ZMYND11: variants seen among roughly 807,000 people sequenced by gnomAD.
ZMYND11 encodes zinc finger MYND domain-containing protein 11.
Under a neutral mutation model 84.9 loss-of-function variants are expected in ZMYND11, and 9 were observed. The ratio of observed to expected loss-of-function variants is 0.11; its 90% CI spans 0.06 to 0.18. The LOEUF is 0.18. Ranked by LOEUF, ZMYND11 falls within the 10% of genes least tolerant of loss-of-function variation. The pLI is 1.00. For synonymous variants in ZMYND11, 250 were observed against 244.1 expected (o/e 1.02, Z -0.23); for missense variants, 409 against 761.0 (o/e 0.54, Z 5.44).
chr10:209,717 T>A (rs1944832542), intron 2 of ZMYND11, among the ~76,000 whole-genome samples, 172 bp from the exon 3 acceptor site: 1 of 142,620 alleles, frequency 7.0e-6, no homozygotes, highest in African/African-American at 2.6e-5. Flanking sequence ...TATTGAAGAC[T>A]TTTCCTTTCT....
chr10:215,950 T>C (rs1589019200), intron 3 of ZMYND11, among the ~76,000 whole-genome samples: 1 of 152,210 alleles, frequency 6.6e-6, no homozygotes, highest in Admixed American at 6.5e-5. Flanking sequence ...AATGAAAATA[T>C]ATATTTTCTG....
At chr10:143,962 C>T (rs1223368071) in intron 1 of ZMYND11, among the ~76,000 whole-genome samples, 1 of 150,722 alleles carries the variant, frequency 6.6e-6, no homozygotes, top group East Asian at 2.0e-4. Flanking sequence ...GGAGATCATG[C>T]CACTGCACTA....
Position 253,127 on chromosome 10 carries a change from C to G in ZMYND11, c.*657C>G, listed in dbSNP as rs147376275. On this transcript the variant is annotated 3_prime_UTR_variant, in exon 15 of 15. Transcript: ENST00000381604. The stretch of plus-strand genomic sequence containing the variant: ...GCTTTGATCTTGTAGTTTAAAATTG[C>G]AGGGAACTGGGGTAATCTTTTACTG... 8.5e-5 allele frequency: 13 copies of G among 152,662 alleles called. No homozygotes were observed. Among genetic ancestry groups the G allele is most frequent in the African/African-American group, 2.9e-4 (12 of 41,546 alleles). 9.5% of individuals were successfully genotyped at this position (152,662 alleles called of 1,614,324 possible).
rs1467858939 is a variant in ZMYND11, at chr10:135,981, C to G, written c.-20+422C>G. On this transcript the variant is annotated intron_variant, in intron 1 of 14. Coordinates refer to ENST00000381604, the MANE Select transcript of ZMYND11 (RefSeq NM_001370100.5). This position sits in a 1 kb window ranked among gnomAD's most constrained non-coding sequence, Gnocchi z 5.6. ...GCGCAGTCCGGGCCGGCGGGGAACG[C>G]GGCTCCGGGCGTGTGGCGGGCGGAG... 3.3e-5 allele frequency among the ~76,000 whole-genome samples: 5 copies of G among 151,694 alleles called. No homozygotes were observed. Among genetic ancestry groups the G allele is most frequent in the African/African-American group, 1.2e-4 (5 of 41,364 alleles).
Position 244,000 on chromosome 10 carries a change from A to G in ZMYND11, c.950+1861A>G, listed in dbSNP as rs544142171. Among the ~76,000 whole-genome samples, 332 of 152,254 alleles carry G rather than the reference A, an allele frequency of 2.2e-3. 1 individual carries two copies. Among genetic ancestry groups the G allele is most frequent in the African/African-American group, 7.5e-3 (311 of 41,552 alleles). ...CGTCAAGCTTCTTAGGTCCTGGAAG[A>G]TTTTATGTAAATAGTTCTAGACAGA... On this transcript the variant is annotated intron_variant, in intron 10 of 14. Transcript: ENST00000381604.
At chr10:241,628 G>C (rs1370562243) in intron 9 of ZMYND11, among the ~76,000 whole-genome samples, 1 of 152,228 alleles carries the variant, frequency 6.6e-6, no homozygotes, top group African/African-American at 2.4e-5. Context: ...AGCATTCTTG[G>C]CCGGCAGCCT....
chr10:162,471 G>C (rs1389786439), intron 1 of ZMYND11, among the ~76,000 whole-genome samples: 2 of 151,606 alleles, frequency 1.3e-5, no homozygotes, highest in Admixed American at 6.6e-5. Flanking sequence ...CAATACTTGC[G>C]GAGCACAATA....
intron 1 of ZMYND11, among the ~76,000 whole-genome samples, chr10:158,027 A>C (rs1278785008): frequency 6.6e-6 from 1 of 152,208 alleles, no homozygotes; most frequent in Non-Finnish European, 1.5e-5. Flanking sequence ...ATGTTGCAGC[A>C]TGTGTCAGTA....
intron 9 of ZMYND11, among the ~76,000 whole-genome samples, chr10:241,510 C>T (rs1025948572): frequency 6.6e-6 from 1 of 151,908 alleles, no homozygotes; most frequent in Non-Finnish European, 1.5e-5. Flanking sequence ...ATTTTTGTTT[C>T]TCCTTTCATC....
chr10:244,831 G>A (rs1308968491), intron 10 of ZMYND11, among the ~76,000 whole-genome samples: 1 of 152,160 alleles, frequency 6.6e-6, no homozygotes, highest in Non-Finnish European at 1.5e-5. Flanking sequence ...CTACAGTACT[G>A]GAGTTGATTA....
At chr10:132,738 G>A (rs1214303107), upstream of ZMYND11, among the ~76,000 whole-genome samples, 1 of 152,176 alleles carries the variant, frequency 6.6e-6, no homozygotes, top group African/African-American at 2.4e-5. Context: ...CCAATAGCCA[G>A]GTAATGAAAT....
At chr10:228,813 A>G (rs1411409594) in intron 4 of ZMYND11, among the ~76,000 whole-genome samples, 1 of 152,272 alleles carries the variant, frequency 6.6e-6, no homozygotes, top group Non-Finnish European at 1.5e-5. Context: ...TCCCTTTCCT[A>G]TTCCTAAGTC....
chr10:238,736 A>G (rs1041825444), intron 6 of ZMYND11, among the ~76,000 whole-genome samples: 2 of 152,176 alleles, frequency 1.3e-5, no homozygotes, highest in Non-Finnish European at 2.9e-5. Context: ...TTTTTCCCTT[A>G]AAGTAACTGG....
intron 4 of ZMYND11, among the ~76,000 whole-genome samples, chr10:235,148 G>C (rs1270721622): frequency 1.3e-5 from 2 of 152,078 alleles, no homozygotes; most frequent in Non-Finnish European, 2.9e-5. Flanking sequence ...ATTTCATTTT[G>C]TCAATTAAAA....
At chr10:237,226 G>A (rs1009183880) in intron 5 of ZMYND11, among the ~76,000 whole-genome samples, 1 of 152,070 alleles carries the variant, frequency 6.6e-6, no homozygotes, top group Non-Finnish European at 1.5e-5. Context: ...AAAATGAAAG[G>A]CAATTTTTCA....
intron 1 of ZMYND11, among the ~76,000 whole-genome samples, chr10:145,363 C>G (rs184773474): frequency 2.0e-5 from 3 of 151,952 alleles, no homozygotes; most frequent in African/African-American, 7.3e-5. Context: ...AACATATGCA[C>G]GCAGGTGTCT....
rs944503814 is a variant in ZMYND11, at chr10:252,342, C to T, written c.1687-6C>T. The T allele has an allele frequency of 6.2e-7, 1 of 1,613,708 alleles. No homozygotes were observed. Among genetic ancestry groups the T allele is most frequent in the African/African-American group, 1.3e-5 (1 of 74,912 alleles). ...TCTAAAGACTGCCCCGATTTCTTAC[C>T]TGCAGTGCTACAACTGTGAGGAGGA... On this transcript the variant is annotated splice_polypyrimidine_tract_variant and splice_region_variant and intron_variant, in intron 14 of 14. Transcript: ENST00000381604. This position sits in a 1 kb window ranked among gnomAD's most constrained non-coding sequence, Gnocchi z 4.6.
chr10:168,980 G>GT (rs1844657245), intron 1 of ZMYND11, among the ~76,000 whole-genome samples: 1 of 152,268 alleles, frequency 6.6e-6, no homozygotes, highest in South Asian at 2.1e-4. Flanking sequence ...TGACCTCACA[G>GT]TGAATATTGA....
chr10:236,969 G>T, intron 5 of ZMYND11, 54 bp downstream of exon 5: 6 of 1,514,212 alleles, frequency 4.0e-6, no homozygotes, highest in Non-Finnish European at 5.5e-6. Context: ...TTTTACTATG[G>T]TTCATTCTTT....
Sources: gnomAD v4.1 joint callset for allele counts (sites outside exome capture counted in the v4.1 genomes callset) on GRCh38, gnomAD v4.1.1 for gene constraint, Gnocchi (gnomAD v3.1) non-coding constraint, MANE v1.5 for transcripts, NCBI Gene and HGNC (gene_info 2026-07-23, HGNC 2026-07-21) for gene names.